NETO2: variants seen among roughly 807,000 people sequenced by gnomAD.
NETO2 encodes neuropilin and tolloid-like protein 2.
Under a neutral mutation model 62.5 loss-of-function variants are expected in NETO2, and 28 were observed. That is an observed-to-expected ratio of 0.45 (90% CI 0.33 to 0.61). The LOEUF is 0.61. Ranked by LOEUF, NETO2 falls within the 20% of genes least tolerant of loss-of-function variation. NETO2 has a pLI of 0.02. For synonymous variants in NETO2, 214 were observed against 219.1 expected, an observed-to-expected ratio of 0.98 and a Z score of 0.21; for missense variants, 548 against 643.2, an observed-to-expected ratio of 0.85 and a Z score of 1.60.
At chr16:47,110,639 T>C (rs1279059987) in intron 6 of NETO2, among the ~76,000 whole-genome samples, 1 of 152,172 alleles carries the variant, frequency 6.6e-6, no homozygotes, top group African/African-American at 2.4e-5. Flanking sequence ...TGTGACTCTA[T>C]CATTAAAATA....
chr16:47,103,867 A>G (rs1421523077), intron 7 of NETO2, among the ~76,000 whole-genome samples: 1 of 152,036 alleles, frequency 6.6e-6, no homozygotes, highest in African/African-American at 2.4e-5. Flanking sequence ...CTATGAATAG[A>G]AAAAAAATTT....
At chr16:47,108,762 T>C (rs1252717740) in intron 7 of NETO2, among the ~76,000 whole-genome samples, 2 of 152,196 alleles carry the variant, frequency 1.3e-5, no homozygotes, top group Non-Finnish European at 2.9e-5. Flanking sequence ...TATAGCTTAG[T>C]TAATAATATC....
chr16:47,119,141 TG>T (rs1177095266), intron 6 of NETO2, among the ~76,000 whole-genome samples: 6 of 151,672 alleles, frequency 4.0e-5, no homozygotes, highest in Admixed American at 6.6e-5. Context: ...ATATTATTTA[TG>T]TTTTTTTCTT....
In NETO2 at chr16:47,131,729, AT is replaced by A. The variant is rs1964269802; in HGVS notation, c.91+239del. ...TTAATTTTTGGACATAATCCACAGT[AT>A]GCTAGGAGCTACTAGTGATGTCAAT... On this transcript the variant is annotated intron_variant, in intron 2 of 8. Transcript: ENST00000562435. Among the ~76,000 whole-genome samples, 2 of 152,236 alleles carry A rather than the reference AT, an allele frequency of 1.3e-5. 1 individual carries two copies. The highest frequency in any genetic ancestry group is 4.1e-4 in the South Asian group (2 of 4,828).
intron 4 of NETO2, among the ~76,000 whole-genome samples, chr16:47,126,765 T>C (rs1964166157): frequency 6.6e-6 from 1 of 152,196 alleles, no homozygotes. Context: ...AACCTAAAAC[T>C]GTTCTAAAAA....
chr16:47,132,645 T>G (rs896731291), intron 1 of NETO2, among the ~76,000 whole-genome samples: 1 of 152,212 alleles, frequency 6.6e-6, no homozygotes, highest in African/African-American at 2.4e-5. Flanking sequence ...GTTTTGTGTA[T>G]GTGGTTTGAA....
chr16:47,115,700 T>TATATATATATAC (rs1567391516), intron 6 of NETO2, among the ~76,000 whole-genome samples: 2 of 136,612 alleles, frequency 1.5e-5, no homozygotes, highest in Admixed American at 7.2e-5. Flanking sequence ...CTAATTTTTA[T>TATATATATATAC]ATATATATAT....
intron 4 of NETO2, among the ~76,000 whole-genome samples, chr16:47,126,178 C>G (rs1268556826): frequency 1.3e-5 from 2 of 152,148 alleles, no homozygotes; most frequent in Non-Finnish European, 2.9e-5. Context: ...AATTAACTCA[C>G]GTCCACACAA....
intron 7 of NETO2, among the ~76,000 whole-genome samples, chr16:47,105,003 AGCCACTGT>A (rs1236232854): frequency 1.3e-5 from 2 of 151,540 alleles, no homozygotes; most frequent in African/African-American, 4.9e-5. Flanking sequence ...AACAGGCATG[AGCCACTGT>A]GCCTGGCCTT....
intron 7 of NETO2, among the ~76,000 whole-genome samples, chr16:47,087,590 T>C (rs1196948314): frequency 1.3e-5 from 2 of 152,118 alleles, no homozygotes; most frequent in Admixed American, 6.5e-5. Context: ...ATGGCTAAAA[T>C]AATAAATTTT....
chr16:47,087,977 A>C lies in NETO2; in HGVS notation c.884-1638T>G, dbSNP rs533825715. Among the ~76,000 whole-genome samples the C allele has an allele frequency of 4.8e-3, 725 of 152,392 alleles. 4 individuals are homozygous for C. Among genetic ancestry groups the C allele is most frequent in the Middle Eastern group, 0.024 (7 of 294 alleles). On this transcript the variant is annotated intron_variant, in intron 7 of 8. Transcript: ENST00000562435. ...GGAAATAAACTCCTGGCTTGGAGGC[A>C]GAAGTCCAATAGAGTAGTATTAAGT...
At position 47,083,191 on chromosome 16, in the gene NETO2, C is replaced by G. The variant is rs745849203; in HGVS notation, c.*30G>C. On this transcript the variant is annotated 3_prime_UTR_variant, in exon 9 of 9. Coordinates refer to ENST00000562435, the MANE Select transcript of NETO2 (RefSeq NM_018092.5). ...CCTGGAGGCTGCGTACGTACACACC[C>G]TAAGAATTCACATCACCATTAGCAG... 3 of 1,574,996 alleles carry G rather than the reference C, an allele frequency of 1.9e-6. No individual in the cohort carries two copies. Among genetic ancestry groups the G allele is most frequent in the Non-Finnish European group, 1.7e-6 (2 of 1,158,294 alleles).
At chr16:47,122,805 G>T in intron 5 of NETO2, 21 bp from the exon 6 acceptor site, 2 of 1,613,930 alleles carry the variant, frequency 1.2e-6, no homozygotes, top group Non-Finnish European at 1.7e-6. Flanking sequence ...TACATGAAAG[G>T]TGTTCAAAGG....
chr16:47,117,367 T>C (rs1963944078), intron 6 of NETO2, among the ~76,000 whole-genome samples: 1 of 152,236 alleles, frequency 6.6e-6, no homozygotes, highest in Non-Finnish European at 1.5e-5. Flanking sequence ...TTTATCCTAT[T>C]TGGTGTTCAC....
chr16:47,142,497 ACT>A (rs1395125646), intron 1 of NETO2, among the ~76,000 whole-genome samples: 2 of 152,202 alleles, frequency 1.3e-5, no homozygotes, highest in South Asian at 2.1e-4. Flanking sequence ...GAAAAAAGTC[ACT>A]CTACAAATAT....
At chr16:47,139,235 C>T (rs1372352326) in intron 1 of NETO2, among the ~76,000 whole-genome samples, 1 of 152,126 alleles carries the variant, frequency 6.6e-6, no homozygotes, top group African/African-American at 2.4e-5. Context: ...TCTTTGTAAC[C>T]GCAAACACAT....
At position 47,080,779 on chromosome 16, in the gene NETO2, A is replaced by C. The variant is rs1301586172; in HGVS notation, c.*2442T>G. On this transcript the variant is annotated 3_prime_UTR_variant, in exon 9 of 9. Transcript: ENST00000562435. ...TAAGTTGTGCCTTCACTGGGTTAAGAAGCACCATTATAACCTCTGTCTCCA... is the reference window on the plus strand; with the variant it reads ...TAAGTTGTGCCTTCACTGGGTTAAGCAGCACCATTATAACCTCTGTCTCCA... 6.6e-6 allele frequency: 1 copy of C among 152,198 alleles called. No homozygotes were observed. The highest frequency in any genetic ancestry group is 1.5e-5 in the Non-Finnish European group (1 of 68,036). 9.4% of individuals were successfully genotyped at this position (152,198 alleles called of 1,614,324 possible).
At position 47,128,520 on chromosome 16, in the gene NETO2, G is replaced by T. The variant is rs751767431; in HGVS notation, c.286C>A (p.Pro96Thr). ...LTFDEHYYIE[P>T]SFECRFDHLE... ...TGATCAAACCGACACTCAAATGATG[G>T]TTCTATATAATAATGTTCATCAAAG... The change falls in exon 4 of 9, where the codon CCA becomes ACA. Residue 96 changes from proline (P) to threonine (T), a missense_variant. Physicochemically the swap from Pro to Thr is conservative, Grantham distance 38 (BLOSUM62 -1). Transcript: ENST00000562435. The T allele has an allele frequency of 5.0e-6, 8 of 1,613,834 alleles. No individual in the cohort carries two copies. The East Asian group carries it at 1.8e-4, about 36-fold the overall frequency.
At chr16:47,127,630 G>A (rs1345024349) in intron 4 of NETO2, among the ~76,000 whole-genome samples, 1 of 152,172 alleles carries the variant, frequency 6.6e-6, no homozygotes, top group African/African-American at 2.4e-5. Context: ...TTCTCCCCCA[G>A]GTTCCTAGAG....
Sources: allele counts gnomAD v4.1 joint callset (sites outside exome capture counted in the v4.1 genomes callset), GRCh38; gene constraint gnomAD v4.1.1; transcripts MANE v1.5; gene names NCBI Gene and HGNC (gene_info 2026-07-23, HGNC 2026-07-21).